Variants in ZFYVE9 observed in about 807,000 individuals in gnomAD.
ZFYVE9 encodes zinc finger FYVE-type containing 9, also known as zinc finger FYVE domain-containing protein 9.
ZFYVE9 carries 43 observed loss-of-function variants against 126.7 expected under a neutral mutation model. That is an observed-to-expected ratio of 0.34 (90% CI 0.27 to 0.44). The LOEUF (loss-of-function observed/expected upper bound fraction) is 0.44. ZFYVE9 is among the 20% of genes least tolerant of loss of function. ZFYVE9 has a pLI of 1.00. For synonymous variants in ZFYVE9, 521 were observed against 597.4 expected (o/e 0.87, Z 1.87); for missense variants, 1,476 against 1,697.0 (o/e 0.87, Z 2.29).
intron 13 of ZFYVE9, among the ~76,000 whole-genome samples, chr1:52,317,004 A>C (rs1421408482): frequency 6.6e-6 from 1 of 152,262 alleles, no homozygotes; most frequent in Non-Finnish European, 1.5e-5. Flanking sequence ...CTGTGACCAC[A>C]CAGCTTTAAA....
At chr1:52,281,077 G>A (rs1645797855) in intron 9 of ZFYVE9, among the ~76,000 whole-genome samples, 2 of 150,816 alleles carry the variant, frequency 1.3e-5, no homozygotes, top group Admixed American at 1.3e-4. Flanking sequence ...AGTTTTAAGT[G>A]CGTTTTATTA....
At chr1:52,193,661 C>T (rs1382413325) in intron 1 of ZFYVE9, among the ~76,000 whole-genome samples, 1 of 126,962 alleles carries the variant, frequency 7.9e-6, no homozygotes, top group East Asian at 2.4e-4. Flanking sequence ...GAGCCGAGAT[C>T]GTGCCACTAC....
At chr1:52,205,615 T>C (rs565413690) in intron 1 of ZFYVE9, among the ~76,000 whole-genome samples, 4 of 152,150 alleles carry the variant, frequency 2.6e-5, no homozygotes, top group African/African-American at 9.6e-5. Context: ...TCAAGCAGCC[T>C]TCCTGCCTTG....
At chr1:52,195,394 C>T (rs555748099) in intron 1 of ZFYVE9, among the ~76,000 whole-genome samples, 3 of 152,150 alleles carry the variant, frequency 2.0e-5, no homozygotes, top group Non-Finnish European at 4.4e-5. Context: ...CACTTAAATT[C>T]TTTTTGCCTC....
intron 1 of ZFYVE9, among the ~76,000 whole-genome samples, chr1:52,160,756 A>G (rs1019907121): frequency 1.3e-5 from 2 of 152,214 alleles, no homozygotes; most frequent in African/African-American, 4.8e-5. Flanking sequence ...TTATGAATAA[A>G]AACCTTTTAG....
At chr1:52,260,605 T>C (rs536183734) in intron 4 of ZFYVE9, among the ~76,000 whole-genome samples, 74 of 152,118 alleles carry the variant, frequency 4.9e-4, no homozygotes, top group African/African-American at 1.7e-3. Flanking sequence ...TCACCTGAGG[T>C]CAGGAGTTCA....
intron 18 of ZFYVE9, among the ~76,000 whole-genome samples, chr1:52,345,529 T>C (rs1047719676): frequency 6.6e-6 from 1 of 152,238 alleles, no homozygotes; most frequent in Non-Finnish European, 1.5e-5. Flanking sequence ...AATGCTATAC[T>C]AATGAAGTAT....
At chr1:52,217,323 G>T (rs1352816696) in intron 2 of ZFYVE9, among the ~76,000 whole-genome samples, 2 of 152,120 alleles carry the variant, frequency 1.3e-5, no homozygotes, top group Non-Finnish European at 2.9e-5. Context: ...AAGAAGAAAT[G>T]GTTAGACTTA....
In ZFYVE9 at chr1:52,333,681, C is replaced by T. The variant is rs898395654; in HGVS notation, c.3589+763C>T. Among the ~76,000 whole-genome samples, 4 of 152,010 alleles carry T rather than the reference C, an allele frequency of 2.6e-5. No individual in the cohort carries two copies. In the South Asian group the frequency reaches 8.3e-4, roughly 32 times the overall value. ...CTAAGAAACCCCGTGTTAGGCCAGC[C>T]GCGGTGGCTCATGCCTGTAATCCCA... On this transcript the variant is annotated intron_variant, in intron 14 of 18. Transcript: ENST00000287727.
intron 4 of ZFYVE9, chr1:52,254,196 T>G: frequency 1.9e-6 from 1 of 535,250 alleles, no homozygotes; most frequent in Non-Finnish European, 3.3e-6. Flanking sequence ...TAAAATGATA[T>G]GGAAGTCATT....
chr1:52,244,511 A>G (rs931025710), intron 4 of ZFYVE9, among the ~76,000 whole-genome samples: 3 of 152,216 alleles, frequency 2.0e-5, no homozygotes, highest in Non-Finnish European at 2.9e-5. Context: ...CTTCATATAG[A>G]AAATATAAAC....
At chr1:52,155,029 C>A (rs1644388571) in intron 1 of ZFYVE9, among the ~76,000 whole-genome samples, 1 of 152,046 alleles carries the variant, frequency 6.6e-6, no homozygotes, top group South Asian at 2.1e-4. Flanking sequence ...CTTCTTGTGC[C>A]TTTTGGTTCT....
chr1:52,160,601 A>C, intron 1 of ZFYVE9: 2 of 713,038 alleles, frequency 2.8e-6, no homozygotes, highest in Middle Eastern at 5.1e-4. Context: ...GGAATAGTCC[A>C]TAGAGTCGGG....
intron 16 of ZFYVE9, among the ~76,000 whole-genome samples, 199 bp downstream of exon 16, chr1:52,338,133 A>C (rs534757540): frequency 6.6e-6 from 1 of 152,288 alleles, no homozygotes; most frequent in South Asian, 2.1e-4. Flanking sequence ...TGTATTTTTG[A>C]GGGAAGTATA....
intron 1 of ZFYVE9, among the ~76,000 whole-genome samples, chr1:52,201,978 T>G (rs1302079931): frequency 6.6e-6 from 1 of 151,468 alleles, no homozygotes; most frequent in Non-Finnish European, 1.5e-5. Context: ...GAGACAGGGT[T>G]TCGCCACATG....
chr1:52,180,562 G>A, intron 1 of ZFYVE9: 1 of 646,526 alleles, frequency 1.5e-6, no homozygotes, highest in Non-Finnish European at 2.8e-6. Context: ...TGAGGCTGCA[G>A]CTGCTATCAC....
chr1:52,210,144 A>T (rs928975742), intron 1 of ZFYVE9, among the ~76,000 whole-genome samples: 3 of 152,128 alleles, frequency 2.0e-5, no homozygotes, highest in Admixed American at 2.0e-4. Flanking sequence ...ATTGTACTTA[A>T]GTTTCTGAGT....
intron 1 of ZFYVE9, among the ~76,000 whole-genome samples, chr1:52,177,595 G>C (rs1318175083): frequency 2.0e-5 from 3 of 152,218 alleles, no homozygotes; most frequent in Admixed American, 6.5e-5. Flanking sequence ...TAGTTGGGAA[G>C]GCAAATATGT....
Position 52,237,730 on chromosome 1 carries a change from A to T in ZFYVE9, c.313A>T (p.Ile105Phe), listed in dbSNP as rs146198279. The stretch of plus-strand genomic sequence containing the variant: ...AAATCCAGAGATTGCCACAATGTGG[A>T]TTGATGAAAATGCTGTTGCAGAAGA... ...NLNPEIATMW[I>F]DENAVAEDQL... The change falls in exon 4 of 19, where the codon ATT becomes TTT. Residue 105 changes from isoleucine to phenylalanine, a missense_variant. By Grantham distance (21) the Ile-to-Phe change is conservative. Transcript: ENST00000287727. 3.7e-6 allele frequency: 6 copies of T among 1,614,132 alleles called. No individual in the cohort carries two copies. The African/African-American group carries it at 6.7e-5, about 18-fold the overall frequency.
Sources: allele counts gnomAD v4.1 joint callset (sites outside exome capture counted in the v4.1 genomes callset), GRCh38; gene constraint gnomAD v4.1.1; transcripts MANE v1.5; gene names NCBI Gene and HGNC (gene_info 2026-07-23, HGNC 2026-07-21).